The following TUT1 variants were observed in gnomAD, a reference collection of about 807,000 sequenced individuals.
TUT1 encodes terminal uridylyl transferase 1, U6 snRNA-specific, also known as speckle targeted PIP5K1A-regulated poly(A) polymerase.
In TUT1, 26 loss-of-function variants were observed where a neutral mutation model predicts 48.8. That is an observed-to-expected ratio of 0.53 (90% CI 0.39 to 0.74). TUT1 has a LOEUF of 0.74. Among genes scored for constraint, TUT1 ranks in the 30% least tolerant of loss-of-function variants. The pLI, the probability that TUT1 is intolerant of heterozygous loss-of-function variation, is 0.00. For missense variants in TUT1, 1,065 were observed against 1,114.8 expected, an observed-to-expected ratio of 0.96 and a Z score of 0.64; for synonymous variants, 470 against 460.8, an observed-to-expected ratio of 1.02 and a Z score of -0.26.
chr11:62,582,506 G>C, intron 2 of TUT1: 1 of 427,574 alleles, frequency 2.3e-6, no homozygotes, highest in Middle Eastern at 5.0e-4. Flanking sequence ...TATGATAAGA[G>C]CATCACTTGG....
At chr11:62,591,327 T>G in intron 1 of TUT1, 77 bp downstream of exon 1, 1 of 1,483,898 alleles carries the variant, frequency 6.7e-7, no homozygotes, top group Non-Finnish European at 8.9e-7. Context: ...ACTGACTACC[T>G]ATAACCCTAA....
At chr11:62,577,398 A>G (rs1255986786) in intron 5 of TUT1, 107 bp from the exon 6 acceptor site, 3 of 845,826 alleles carry the variant, frequency 3.5e-6, no homozygotes, top group Non-Finnish European at 5.6e-6. Context: ...GAATAAGGCC[A>G]GAACAGTTTC....
At chr11:62,576,326 T>C in intron 8 of TUT1, 82 bp from the exon 9 acceptor site, 1 of 1,428,068 alleles carries the variant, frequency 7.0e-7, no homozygotes, top group Non-Finnish European at 9.2e-7. Context: ...GCCATTTCCT[T>C]AGCAGGACTT....
intron 2 of TUT1, among the ~76,000 whole-genome samples, chr11:62,588,389 A>G (rs912075676): frequency 6.6e-6 from 1 of 152,214 alleles, no homozygotes; most frequent in African/African-American, 2.4e-5. Flanking sequence ...CCCTGTCTCT[A>G]CTAAAAATAC....
rs1450956212 is a variant in TUT1, at chr11:62,581,411, C to T, written c.564G>A (p.Gln188=). Residue 188 remains glutamine (Q), a synonymous_variant, in exon 3 of 9, where the codon CAG becomes CAA. Coordinates refer to ENST00000476907, the MANE Select transcript of TUT1 (RefSeq NM_022830.3). ...QLRSLVVALM[Q]EVFTEFFPGC... ...CAGGGAAGAACTCTGTGAAGACCTC[C>T]TGCATCAGGGCCACCACTAGGCTGC... The T allele has an allele frequency of 6.2e-7, 1 of 1,608,260 alleles. No individual in the cohort carries two copies. Among genetic ancestry groups the T allele is most frequent in the South Asian group, 1.1e-5 (1 of 90,522 alleles).
rs755366356 is a variant in TUT1 at position 62,589,187 on chromosome 11, C to T, written c.117G>A (p.Lys39=). 15 of 1,614,082 alleles carry T rather than the reference C, an allele frequency of 9.3e-6. No homozygotes were observed. Among genetic ancestry groups the T allele is most frequent in the Non-Finnish European group, 1.3e-5 (15 of 1,180,036 alleles). ...CTCGTAGTTCTACCAGGTGCCGGTG[C>T]TTTCTGCCTCCCAAGTGGGCATCAA... The part of the protein sequence containing the change: ...PSLDAHLGGR[K]HRHLVELRAA... Residue 39 remains lysine (K), a synonymous_variant, in exon 2 of 9, where the codon AAG becomes AAA. Transcript: ENST00000476907.
At chr11:62,587,533 A>G (rs890542513) in intron 2 of TUT1, among the ~76,000 whole-genome samples, 1 of 152,192 alleles carries the variant, frequency 6.6e-6, no homozygotes, top group Non-Finnish European at 1.5e-5. Flanking sequence ...TCTTTTCTGA[A>G]GATATGGGGC....
chr11:62,590,762 A>G (rs1471356389), intron 1 of TUT1, among the ~76,000 whole-genome samples: 1 of 151,950 alleles, frequency 6.6e-6, no homozygotes, highest in Non-Finnish European at 1.5e-5. Flanking sequence ...CAGTGAGCCA[A>G]GATCACACCA....
intron 1 of TUT1, among the ~76,000 whole-genome samples, chr11:62,589,854 C>A (rs981251812): frequency 2.0e-5 from 3 of 152,204 alleles, no homozygotes; most frequent in African/African-American, 7.2e-5. Context: ...AAGTTCAAAT[C>A]CCAGCTCTGT....
At chr11:62,589,583 T>C (rs1941976933) in intron 1 of TUT1, among the ~76,000 whole-genome samples, 1 of 152,208 alleles carries the variant, frequency 6.6e-6, no homozygotes, top group South Asian at 2.1e-4. Context: ...TTTGTATTTT[T>C]AGTAGAGACG....
At chr11:62,588,949 C>T in intron 2 of TUT1, 82 bp downstream of exon 2, 2 of 1,362,812 alleles carry the variant, frequency 1.5e-6, no homozygotes, top group Non-Finnish European at 2.0e-6. Context: ...CTGCCTCAGC[C>T]TCCCAAAGTG....
chr11:62,575,479 T>A lies in TUT1; in HGVS notation c.2240A>T (p.Gln747Leu). The A allele has an allele frequency of 6.2e-7, 1 of 1,612,336 alleles. No homozygotes were observed. Among genetic ancestry groups the A allele is most frequent in the South Asian group, 1.1e-5 (1 of 91,086 alleles). The part of the protein sequence containing the change: ...ERGPKGHEAA[Q>L]EWSQGEAGKG... Reference sequence around the variant, plus strand: ...CCCTGCCTCACCCTGAGACCATTCTTGGGCTGCCTCATGTCCCTTGGGCCC... The same window carrying A: ...CCCTGCCTCACCCTGAGACCATTCTAGGGCTGCCTCATGTCCCTTGGGCCC... Residue 747 changes from glutamine to leucine, a missense_variant, in exon 9 of 9, where the codon CAA (glutamine) becomes CTA (leucine). Gln to Leu is a moderately radical substitution (Grantham distance 113). Transcript: ENST00000476907.
chr11:62,576,228 C>T lies in TUT1; in HGVS notation c.1491G>A (p.Gln497=), dbSNP rs549823952. 1 of 1,591,682 alleles carries T rather than the reference C, an allele frequency of 6.3e-7. No homozygotes were observed. Among genetic ancestry groups the T allele is most frequent in the South Asian group, 1.1e-5 (1 of 89,070 alleles). ...CCCAACAAGATACACAGGAGAAGAACTGGGCTAGCAGGGAACCTGGAGGAG... is the reference window on the plus strand; with the variant it reads ...CCCAACAAGATACACAGGAGAAGAATTGGGCTAGCAGGGAACCTGGAGGAG... The part of the protein sequence containing the change: ...NVEPLSSLLA[Q]FFSCVSCWDL... The change falls in exon 9 of 9, where the codon CAG becomes CAA. Residue 497 remains glutamine (Q), a synonymous_variant. Transcript: ENST00000476907.
chr11:62,581,216 G>A lies in TUT1; in HGVS notation c.590-10C>T, dbSNP rs150237595. ...GGGTGGACCACACAGCCTGGGTGCC[G>A]AGCAGAGAAGAAAGGTCAAGAGAAG... On this transcript the variant is annotated splice_polypyrimidine_tract_variant and intron_variant, in intron 3 of 8. Coordinates refer to ENST00000476907, the MANE Select transcript of TUT1 (RefSeq NM_022830.3). 5.0e-4 allele frequency: 813 copies of A among 1,612,942 alleles called. No homozygotes were observed. The highest frequency in any genetic ancestry group is 6.5e-4 in the Non-Finnish European group (770 of 1,179,150).
chr11:62,581,539 T>C lies in TUT1; in HGVS notation c.436A>G (p.Ser146Gly), dbSNP rs751074289. The part of the protein sequence containing the change: ...SKSPKGAAPD[S>G]HQLAKALAEA... ...GCTAGCGCTTTGGCCAGCTGGTGAC[T>C]GTCGGGGGCCGCTCCTTTGGGGGAT... Residue 146 changes from serine (S) to glycine (G), a missense_variant, in exon 3 of 9, where the codon AGT becomes GGT. Coordinates refer to ENST00000476907, the MANE Select transcript of TUT1 (RefSeq NM_022830.3). The C allele has an allele frequency of 1.2e-6, 2 of 1,613,938 alleles. No individual in the cohort carries two copies. The highest frequency in any genetic ancestry group is 8.5e-7 in the Non-Finnish European group (1 of 1,179,950).
intron 2 of TUT1, among the ~76,000 whole-genome samples, chr11:62,584,198 C>T (rs891485139): frequency 6.7e-6 from 1 of 149,738 alleles, no homozygotes; most frequent in African/African-American, 2.5e-5. Flanking sequence ...ACACTCTCGG[C>T]TCATTATTAC....
At chr11:62,577,159 A>G (rs762868512) in intron 6 of TUT1, 23 bp downstream of exon 6, 2 of 1,607,468 alleles carry the variant, frequency 1.2e-6, no homozygotes, top group Non-Finnish European at 1.7e-6. Flanking sequence ...CTCAGCCCCA[A>G]GTCTGTCCTG....
chr11:62,575,505 C>G lies in TUT1; in HGVS notation c.2214G>C (p.Arg738=), dbSNP rs1224003975. 1.2e-6 allele frequency: 2 copies of G among 1,613,016 alleles called. No individual in the cohort carries two copies. The highest frequency in any genetic ancestry group is 2.7e-5 in the African/African-American group (2 of 74,942). The change falls in exon 9 of 9, where the codon CGG becomes CGC. Residue 738 remains arginine (R), a synonymous_variant. Transcript: ENST00000476907. ...GGGCTGCCTCATGTCCCTTGGGCCCCCGCTCTGCCAGGGCTGCGTGGCTGG... is the reference window on the plus strand; with the variant it reads ...GGGCTGCCTCATGTCCCTTGGGCCCGCGCTCTGCCAGGGCTGCGTGGCTGG... The part of the protein sequence containing the change: ...GQPSHAALAE[R]GPKGHEAAQE...
intron 2 of TUT1, among the ~76,000 whole-genome samples, chr11:62,586,342 C>G (rs1348058473): frequency 1.3e-5 from 2 of 152,218 alleles, no homozygotes; most frequent in Non-Finnish European, 2.9e-5. Flanking sequence ...TAACTTGTAA[C>G]TGCCTCACAA....
Sources: gnomAD v4.1 joint callset for allele counts (sites outside exome capture counted in the v4.1 genomes callset) on GRCh38, gnomAD v4.1.1 for gene constraint, MANE v1.5 for transcripts, NCBI Gene and HGNC (gene_info 2026-07-23, HGNC 2026-07-21) for gene names.